GPRIN3: variants seen among roughly 807,000 people sequenced by gnomAD.
GPRIN3 encodes the protein G protein-regulated inducer of neurite outgrowth 3.
A neutral mutation model predicts 13.7 loss-of-function variants in GPRIN3; 12 were observed. That is an observed-to-expected ratio of 0.87 (90% CI 0.56 to 1.42). The LOEUF (loss-of-function observed/expected upper bound fraction) is 1.42. Ranked by LOEUF, GPRIN3 falls within the 40% of genes most tolerant of loss-of-function variation. The pLI, the probability that GPRIN3 is intolerant of heterozygous loss-of-function variation, is 0.00. For missense variants in GPRIN3, 1,009 were observed against 958.7 expected, an observed-to-expected ratio of 1.05 and a Z score of -0.69; for synonymous variants, 377 against 372.7, an observed-to-expected ratio of 1.01 and a Z score of -0.13.
chr4:89,301,238 CT>C (rs1304777240), intron 1 of GPRIN3, among the ~76,000 whole-genome samples: 2 of 152,148 alleles, frequency 1.3e-5, no homozygotes, highest in African/African-American at 4.8e-5. Context: ...AGTCAAATGT[CT>C]TTTGCATTTT....
chr4:89,289,003 C>G (rs1724498826), intron 1 of GPRIN3, among the ~76,000 whole-genome samples: 1 of 151,950 alleles, frequency 6.6e-6, no homozygotes, highest in Admixed American at 6.6e-5. Flanking sequence ...CTGACATTTT[C>G]CTATGTCGAC....
Position 89,247,886 on chromosome 4 carries a change from T to C in GPRIN3, c.2225A>G (p.Asn742Ser), listed in dbSNP as rs1723151735. The C allele has an allele frequency of 6.8e-6, 11 of 1,614,172 alleles. No individual in the cohort carries two copies. In the East Asian group the frequency reaches 8.9e-5, roughly 13 times the overall value. Residue 742 changes from asparagine (N) to serine (S), a missense_variant, in exon 2 of 2, where the codon AAT becomes AGT. Transcript: ENST00000609438. ...RRSISSDTSS[N>S]KKLRGRQHSV... ...GTGCTGCCTTCCTCTGAGCTTCTTATTTGAAGAAGTATCTGAGGAAATGGA... is the reference window on the plus strand; with the variant it reads ...GTGCTGCCTTCCTCTGAGCTTCTTACTTGAAGAAGTATCTGAGGAAATGGA...
chr4:89,253,035 A>G (rs1339562908), intron 1 of GPRIN3, among the ~76,000 whole-genome samples: 1 of 150,368 alleles, frequency 6.7e-6, no homozygotes, highest in African/African-American at 2.4e-5. Flanking sequence ...AAAAAAAACA[A>G]CTCCTACAGG....
In GPRIN3 at chr4:89,249,277, G is replaced by T; in HGVS notation, c.834C>A (p.Pro278=). 1 of 1,614,084 alleles carries T rather than the reference G, an allele frequency of 6.2e-7. No homozygotes were observed. The highest frequency in any genetic ancestry group is 8.5e-7 in the Non-Finnish European group (1 of 1,180,018). The change falls in exon 2 of 2, where the codon CCC becomes CCA. Residue 278 remains proline, a synonymous_variant. Transcript: ENST00000609438. ...GCAGCGGCACCTTCTCTGGACCTGG[G>T]GGACATGCCGAAGGTTCGCTAGTGA... is the stretch of plus-strand genomic sequence containing the variant. ...TPLTSEPSAC[P]PGPEKVPLPA...
intron 1 of GPRIN3, among the ~76,000 whole-genome samples, chr4:89,261,995 G>T (rs1250345287): frequency 1.3e-5 from 2 of 151,886 alleles, no homozygotes; most frequent in South Asian, 4.2e-4. Flanking sequence ...GGTGGCACGC[G>T]CCTGTGGTCC....
In GPRIN3 at chr4:89,307,018, A is replaced by G. The variant is rs572551386; in HGVS notation, c.-124+597T>C. Among the ~76,000 whole-genome samples the G allele has an allele frequency of 9.9e-5, 15 of 151,910 alleles. No homozygotes were observed. In the East Asian group the frequency reaches 2.1e-3, roughly 22 times the overall value. ...GCCCATCTTGAAAGAACCGTTTATC[A>G]CCTCTAGTCTCTACCCTGATTTAAT... On this transcript the variant is annotated intron_variant, in intron 1 of 1. Coordinates refer to ENST00000609438, the MANE Select transcript of GPRIN3 (RefSeq NM_198281.3).
At position 89,303,004 on chromosome 4, in the gene GPRIN3, T is replaced by G. The variant is rs186543168; in HGVS notation, c.-124+4611A>C. Reference sequence around the variant, plus strand: ...AAAGGGTGAAAATATCACAAAATTGTTCTATTCCAGAGAAAAGACACCAAG... The same window carrying G: ...AAAGGGTGAAAATATCACAAAATTGGTCTATTCCAGAGAAAAGACACCAAG... On this transcript the variant is annotated intron_variant, in intron 1 of 1. Coordinates refer to ENST00000609438, the MANE Select transcript of GPRIN3 (RefSeq NM_198281.3). Among the ~76,000 whole-genome samples the G allele has an allele frequency of 5.6e-4, 85 of 152,240 alleles. 1 individual carries two copies. The highest frequency in any genetic ancestry group is 2.0e-3 in the African/African-American group (82 of 41,532).
At chr4:89,283,857 G>T (rs995365979) in intron 1 of GPRIN3, among the ~76,000 whole-genome samples, 1 of 152,086 alleles carries the variant, frequency 6.6e-6, no homozygotes, top group African/African-American at 2.4e-5. Context: ...CTGCAGCTCC[G>T]GATGCAAGAT....
chr4:89,302,612 T>C (rs866326470), intron 1 of GPRIN3, among the ~76,000 whole-genome samples: 4 of 152,188 alleles, frequency 2.6e-5, no homozygotes, highest in African/African-American at 4.8e-5. Flanking sequence ...TGTTACTATG[T>C]TGCCAACTCC....
intron 1 of GPRIN3, among the ~76,000 whole-genome samples, chr4:89,254,730 T>C (rs1243125442): frequency 1.3e-5 from 2 of 152,232 alleles, no homozygotes; most frequent in African/African-American, 2.4e-5. Flanking sequence ...TATAATCCTT[T>C]GGAATATACA....
At chr4:89,299,449 C>T (rs1233990496) in intron 1 of GPRIN3, among the ~76,000 whole-genome samples, 3 of 152,108 alleles carry the variant, frequency 2.0e-5, no homozygotes, top group Non-Finnish European at 2.9e-5. Context: ...GATTTCAGAG[C>T]GCTATGAAGA....
chr4:89,273,009 A>G (rs6854292), intron 1 of GPRIN3, among the ~76,000 whole-genome samples: 30,228 of 152,084 alleles, frequency 0.2, 3,497 homozygotes, highest in African/African-American at 0.32. Context: ...AGAAGGAATG[A>G]ACCACATTTT....
At chr4:89,255,647 C>T (rs1723446107) in intron 1 of GPRIN3, among the ~76,000 whole-genome samples, 1 of 152,054 alleles carries the variant, frequency 6.6e-6, no homozygotes, top group Non-Finnish European at 1.5e-5. Context: ...TTTGCTAAAC[C>T]ACTTAACAAA....
At position 89,249,468 on chromosome 4, in the gene GPRIN3, G is replaced by T. The variant is rs1553949262; in HGVS notation, c.643C>A (p.Pro215Thr). The T allele has an allele frequency of 6.2e-7, 1 of 1,614,108 alleles. No individual in the cohort carries two copies. The highest frequency in any genetic ancestry group is 8.5e-7 in the Non-Finnish European group (1 of 1,180,032). The stretch of plus-strand genomic sequence containing the variant: ...CTTTCCCCTTCAGGTCCACCTACAG[G>T]AGAGGATGAGTGACTGACCACCCTG... ...AARVVSHSSSPVGGPEGERQG... is the reference protein window; with the variant it reads ...AARVVSHSSSTVGGPEGERQG... The change falls in exon 2 of 2, where the codon CCT (proline) becomes ACT (threonine). Residue 215 changes from proline to threonine, a missense_variant. Transcript: ENST00000609438.
rs1464540360 is a variant in GPRIN3, at chr4:89,246,841, G to T, written c.*939C>A. The T allele has an allele frequency of 1.3e-5, 2 of 152,148 alleles. No homozygotes were observed. The highest frequency in any genetic ancestry group is 2.9e-5 in the Non-Finnish European group (2 of 68,038). 9.4% of individuals were successfully genotyped at this position (152,148 alleles called of 1,614,324 possible). On this transcript the variant is annotated 3_prime_UTR_variant, in exon 2 of 2. Transcript: ENST00000609438. The stretch of plus-strand genomic sequence containing the variant: ...ATCATCACAGAAAAAGCAGTGTTTG[G>T]TAATCTGCTATTTATAGTTCCTGAC...
intron 1 of GPRIN3, among the ~76,000 whole-genome samples, chr4:89,253,666 T>C (rs1723390660): frequency 6.6e-6 from 1 of 152,248 alleles, no homozygotes; most frequent in Non-Finnish European, 1.5e-5. Flanking sequence ...TAACTTTTAG[T>C]TTAACTTTGA....
At chr4:89,266,721 A>C (rs1723791234) in intron 1 of GPRIN3, among the ~76,000 whole-genome samples, 1 of 152,204 alleles carries the variant, frequency 6.6e-6, no homozygotes, top group Non-Finnish European at 1.5e-5. Context: ...TTCCATAGTG[A>C]GTTTCTGTAA....
At chr4:89,262,632 T>A (rs975854301) in intron 1 of GPRIN3, among the ~76,000 whole-genome samples, 1 of 152,126 alleles carries the variant, frequency 6.6e-6, no homozygotes, top group East Asian at 1.9e-4. Context: ...GAAACCATAA[T>A]TTTCTTATCC....
At chr4:89,254,201 C>T (rs1330893475) in intron 1 of GPRIN3, among the ~76,000 whole-genome samples, 1 of 151,002 alleles carries the variant, frequency 6.6e-6, no homozygotes, top group Non-Finnish European at 1.5e-5. Context: ...TCCTCTTCCC[C>T]TTCCCTTTCT....
Sources: allele counts gnomAD v4.1 joint callset (sites outside exome capture counted in the v4.1 genomes callset), GRCh38; gene constraint gnomAD v4.1.1; transcripts MANE v1.5; gene names NCBI Gene and HGNC (gene_info 2026-07-23, HGNC 2026-07-21).